Variants in CD86 observed in about 807,000 individuals in gnomAD.
CD86 encodes the protein CD86 molecule.
CD86 carries 11 observed loss-of-function variants against 32.1 expected under a neutral mutation model. The observed-to-expected ratio is 0.34, with a 90% CI of 0.22 to 0.57. The LOEUF is 0.57. CD86 is among the 20% of genes least tolerant of loss of function. The pLI is 0.86. For missense variants in CD86, 359 were observed against 398.4 expected, an observed-to-expected ratio of 0.90 and a Z score of 0.84; for synonymous variants, 137 against 135.3, an observed-to-expected ratio of 1.01 and a Z score of -0.09.
At chr3:122,091,781 C>G (rs772147882) in intron 2 of CD86, 131 bp downstream of exon 2, 42 of 710,102 alleles carry the variant, frequency 5.9e-5, no homozygotes, top group Non-Finnish European at 1.0e-4. Context: ...AGACCACATG[C>G]AAAAAAGACT....
chr3:122,101,513 A>AAAATAT (rs1202377219), intron 2 of CD86, among the ~76,000 whole-genome samples: 127 of 46,192 alleles, frequency 2.7e-3, no homozygotes, highest in Non-Finnish European at 4.0e-3. Flanking sequence ...AAAAAAAAAA[A>AAAATAT]ATATATATAT....
chr3:122,095,634 CACCTGGAGGTGAATAG>C (rs1268453224), intron 2 of CD86, among the ~76,000 whole-genome samples: 1 of 152,204 alleles, frequency 6.6e-6, no homozygotes, highest in African/African-American at 2.4e-5. Context: ...TTAAAACCAT[CACCTGGAGGTGAATAG>C]ACAGTCGAGA....
intron 1 of CD86, among the ~76,000 whole-genome samples, chr3:122,064,372 A>T (rs1173710103): frequency 6.6e-6 from 1 of 152,206 alleles, no homozygotes; most frequent in East Asian, 1.9e-4. Flanking sequence ...CTTCAGTACA[A>T]TTACATTGCT....
chr3:122,080,746 G>A (rs1258025384), intron 1 of CD86, among the ~76,000 whole-genome samples: 2 of 152,166 alleles, frequency 1.3e-5, no homozygotes, highest in Non-Finnish European at 2.9e-5. Context: ...TGGAAACCAA[G>A]TCAGACATAA....
intron 1 of CD86, among the ~76,000 whole-genome samples, chr3:122,061,974 G>A (rs1469747752): frequency 6.6e-6 from 1 of 151,994 alleles, no homozygotes; most frequent in Non-Finnish European, 1.5e-5. Flanking sequence ...CACAAACTGT[G>A]TGTGCAAGAT....
rs2072282563 is a variant in CD86 at position 122,058,905 on chromosome 3, A to C, written c.14+3402A>C. ...GGATCAGACTGGAGAGGATGCATTTAAGAGATATTTTAGCACCAGAATTGA... is the reference window on the plus strand; with the variant it reads ...GGATCAGACTGGAGAGGATGCATTTCAGAGATATTTTAGCACCAGAATTGA... On this transcript the variant is annotated intron_variant, in intron 1 of 6. Coordinates refer to ENST00000330540, the MANE Select transcript of CD86 (RefSeq NM_175862.5). Among the ~76,000 whole-genome samples the C allele has an allele frequency of 2.6e-5, 4 of 152,208 alleles. No homozygotes were observed. The South Asian group carries it at 8.3e-4, about 32-fold the overall frequency.
intron 1 of CD86, among the ~76,000 whole-genome samples, chr3:122,090,274 T>C (rs1047067309): frequency 6.6e-6 from 1 of 152,180 alleles, no homozygotes; most frequent in Non-Finnish European, 1.5e-5. Flanking sequence ...CTGGGTGCTA[T>C]GAGAGCAGAG....
At chr3:122,059,129 C>A (rs2072285728) in intron 1 of CD86, among the ~76,000 whole-genome samples, 1 of 152,012 alleles carries the variant, frequency 6.6e-6, no homozygotes, top group South Asian at 2.1e-4. Flanking sequence ...GATGTCCAAG[C>A]AGACAAGTAG....
At chr3:122,077,321 C>G (rs1342830027) in intron 1 of CD86, among the ~76,000 whole-genome samples, 1 of 152,176 alleles carries the variant, frequency 6.6e-6, no homozygotes, top group Non-Finnish European at 1.5e-5. Context: ...TAGCCAAACT[C>G]AAGAGTACCA....
chr3:122,098,185 C>T (rs1345680332), intron 2 of CD86, among the ~76,000 whole-genome samples: 1 of 152,202 alleles, frequency 6.6e-6, no homozygotes, highest in Non-Finnish European at 1.5e-5. Flanking sequence ...CGTGTCATGT[C>T]ATGTCATGAT....
At chr3:122,084,284 G>A in intron 1 of CD86, among the ~76,000 whole-genome samples, 1 of 152,190 alleles carries the variant, frequency 6.6e-6, no homozygotes, top group African/African-American at 2.4e-5. Context: ...ACCACACCTG[G>A]CCTGTTTTAT....
rs566780421 is a variant in CD86, at chr3:122,104,318, G to A, written c.400+471G>A. ...GGGTTTTCCCTTCAGCCTCCTCTAG[G>A]TTGCTTATGAGTTGTTTGCTGCCAC... On this transcript the variant is annotated intron_variant, in intron 3 of 6. Transcript: ENST00000330540. 4.1e-4 allele frequency among the ~76,000 whole-genome samples: 62 copies of A among 152,122 alleles called. 1 individual carries two copies. In the South Asian group the frequency reaches 0.012, roughly 30 times the overall value.
In CD86 at chr3:122,114,791, T is replaced by C. The variant is rs187477529; in HGVS notation, c.848-3257T>C. Among the ~76,000 whole-genome samples the C allele has an allele frequency of 2.5e-4, 38 of 152,296 alleles. 1 individual carries two copies. The highest frequency in any genetic ancestry group is 2.5e-3 in the Admixed American group (38 of 15,296). ...ATGTCAATGGATACAGGAAAAACTT[T>C]TGACAAAATTAATACCCATTCATAG... On this transcript the variant is annotated intron_variant, in intron 5 of 6. Coordinates refer to ENST00000330540, the MANE Select transcript of CD86 (RefSeq NM_175862.5).
intron 4 of CD86, among the ~76,000 whole-genome samples, chr3:122,107,874 C>T (rs963985816): frequency 6.6e-6 from 1 of 152,244 alleles, no homozygotes. Flanking sequence ...TCAGACACTT[C>T]AGCCTCTGAG....
intron 1 of CD86, among the ~76,000 whole-genome samples, chr3:122,066,608 G>A (rs1394944414): frequency 1.3e-5 from 2 of 152,176 alleles, no homozygotes; most frequent in Admixed American, 6.5e-5. Flanking sequence ...TTATTGTGAA[G>A]ATTAAATGAA....
rs1464971717 is a variant in CD86, at chr3:122,119,995, A to G, written c.*461A>G. Reference sequence around the variant, plus strand: ...TACCTCCTCAGTCTGGGTGGGACTTATGTATTTATGACCTTATAGTGTTAA... The same window carrying G: ...TACCTCCTCAGTCTGGGTGGGACTTGTGTATTTATGACCTTATAGTGTTAA... On this transcript the variant is annotated 3_prime_UTR_variant, in exon 7 of 7. Transcript: ENST00000330540. 5.9e-6 allele frequency: 1 copy of G among 170,064 alleles called. No homozygotes were observed. The highest frequency in any genetic ancestry group is 1.8e-4 in the East Asian group (1 of 5,538). The allele number at this position is 170,064 out of a possible 1,614,324, so 10.5% of individuals were successfully genotyped here.
rs368171668 is a variant in CD86 at position 122,055,405 on chromosome 3, C to G, written c.-85C>G. 6.5e-5 allele frequency: 89 copies of G among 1,364,994 alleles called. No individual in the cohort carries two copies. In the African/African-American group the frequency reaches 7.8e-4, roughly 12 times the overall value. 84.6% of individuals were successfully genotyped at this position (1,364,994 alleles called of 1,614,324 possible). On this transcript the variant is annotated 5_prime_UTR_variant, in exon 1 of 7. Coordinates refer to ENST00000330540, the MANE Select transcript of CD86 (RefSeq NM_175862.5). ...CTTGCACAGGGTGAAAGCTTTGCTT[C>G]TCTGCTGCTGTAACAGGGACTAGCA...
chr3:122,107,736 C>T (rs952645505), intron 4 of CD86, among the ~76,000 whole-genome samples: 2 of 152,216 alleles, frequency 1.3e-5, no homozygotes, highest in Admixed American at 6.5e-5. Flanking sequence ...CTGGCTTTGT[C>T]ACCTCCTTTC....
intron 6 of CD86, among the ~76,000 whole-genome samples, chr3:122,118,756 C>G (rs2073295811): frequency 6.6e-6 from 1 of 152,220 alleles, no homozygotes; most frequent in South Asian, 2.1e-4. Context: ...TTAAGCTCAT[C>G]ATTGTGCTGC....
Sources: gnomAD v4.1 joint callset for allele counts (sites outside exome capture counted in the v4.1 genomes callset) on GRCh38, gnomAD v4.1.1 for gene constraint, MANE v1.5 for transcripts, NCBI Gene and HGNC (gene_info 2026-07-23, HGNC 2026-07-21) for gene names.